RUNX3: variants seen among roughly 807,000 people sequenced by gnomAD.
The protein encoded by RUNX3 is runt-related transcription factor 3.
RUNX3 carries 10 observed loss-of-function variants against 27.7 expected under a neutral mutation model. The ratio of observed to expected loss-of-function variants is 0.36; its 90% CI spans 0.22 to 0.61. RUNX3 has a LOEUF of 0.61. Ranked by LOEUF, RUNX3 falls within the 20% of genes least tolerant of loss-of-function variation. The pLI is 0.72. For missense variants in RUNX3, 469 were observed against 629.5 expected (o/e 0.75, Z 2.73); for synonymous variants, 270 against 269.2 (o/e 1.00, Z -0.03).
chr1:24,909,835 A>G (rs1640763430), intron 3 of RUNX3, among the ~76,000 whole-genome samples: 1 of 152,172 alleles, frequency 6.6e-6, no homozygotes. Flanking sequence ...GGTCACGGCC[A>G]TTCTACCTCA....
At chr1:24,935,151 A>C (rs568635967), upstream of RUNX3, among the ~76,000 whole-genome samples, 7 of 152,354 alleles carry the variant, frequency 4.6e-5, no homozygotes, top group Non-Finnish European at 5.9e-5. Context: ...GCAGTTGGAC[A>C]GGACCTTTGC....
At chr1:24,909,306 C>T (rs1014687428) in intron 3 of RUNX3, among the ~76,000 whole-genome samples, 5 of 152,232 alleles carry the variant, frequency 3.3e-5, no homozygotes, top group Non-Finnish European at 7.3e-5. Flanking sequence ...CTCTAAGCTC[C>T]TCTCCAGAGT....
At position 24,944,007 on chromosome 1, in the gene RUNX3, C is replaced by A. The variant is rs1641543664; in HGVS notation, c.59-14155G>T. ...TGTGCCCCTCTCTGCCATAAAATAT[C>A]TCTTTACTGTCCATCGCTGGGCCTA... On this transcript the variant is annotated intron_variant, in intron 2 of 6. Transcript: ENST00000338888. 4.6e-5 allele frequency among the ~76,000 whole-genome samples: 7 copies of A among 152,308 alleles called. No individual in the cohort carries two copies. In the South Asian group the frequency reaches 1.5e-3, roughly 32 times the overall value.
chr1:24,914,803 C>T (rs943974415), intron 3 of RUNX3, among the ~76,000 whole-genome samples: 2 of 152,168 alleles, frequency 1.3e-5, no homozygotes, highest in African/African-American at 2.4e-5. Flanking sequence ...GGCCCAACTG[C>T]GGGCTCAGGG....
intron 3 of RUNX3, among the ~76,000 whole-genome samples, chr1:24,915,334 G>T (rs1430463170): frequency 6.6e-6 from 1 of 152,218 alleles, no homozygotes; most frequent in Non-Finnish European, 1.5e-5. Flanking sequence ...TGAGGCAAGA[G>T]AATCTCCTGA....
chr1:24,949,555 T>G (rs1179070311), intron 2 of RUNX3, among the ~76,000 whole-genome samples: 1 of 152,198 alleles, frequency 6.6e-6, no homozygotes, highest in Non-Finnish European at 1.5e-5. Context: ...CACAGCTTGA[T>G]TTCTAGTCCA....
Position 24,901,898 on chromosome 1 carries a change from G to T in RUNX3, c.*224C>A. On this transcript the variant is annotated 3_prime_UTR_variant, in exon 5 of 5. Transcript: ENST00000308873. The stretch of plus-strand genomic sequence containing the variant: ...GATGAGACGGCCAGGATCTGGGCCG[G>T]GGGCAGTATCCCGGGCCGGGGTGGG... 1.9e-6 allele frequency: 1 copy of T among 526,402 alleles called. No homozygotes were observed. Among genetic ancestry groups the T allele is most frequent in the Non-Finnish European group, 3.4e-6 (1 of 297,836 alleles). 32.6% of individuals were successfully genotyped at this position (526,402 alleles called of 1,614,324 possible). A position where few individuals can be genotyped will look rare whatever the true frequency, so the allele number is the denominator to read the frequency against.
At chr1:24,957,970 C>T (rs1231329816) in intron 2 of RUNX3, among the ~76,000 whole-genome samples, 1 of 152,358 alleles carries the variant, frequency 6.6e-6, no homozygotes, top group East Asian at 1.9e-4. Context: ...CTGACAGTCC[C>T]TCTAGTCTTG....
At position 24,904,834 on chromosome 1, in the gene RUNX3, C is replaced by T. The variant is rs1640632355; in HGVS notation, c.704-2168G>A. Among the ~76,000 whole-genome samples, 1 of 152,188 alleles carries T rather than the reference C, an allele frequency of 6.6e-6. No homozygotes were observed. Among genetic ancestry groups the T allele is most frequent in the Non-Finnish European group, 1.5e-5 (1 of 68,016 alleles). ...TGCCCTCAGCACTCCCTCAGACCCC[C>T]CAGCAGCTTCCTTGGAGCTCCTGTA... On this transcript the variant is annotated intron_variant, in intron 4 of 4. Transcript: ENST00000308873. The surrounding 1 kb of genome is among the most constrained non-coding windows in gnomAD (Gnocchi z 5.7).
Position 24,902,336 on chromosome 1 carries a change from A to G in RUNX3, c.1034T>C (p.Met345Thr). The G allele has an allele frequency of 6.2e-7, 1 of 1,611,306 alleles. No individual in the cohort carries two copies. The highest frequency in any genetic ancestry group is 8.5e-7 in the Non-Finnish European group (1 of 1,179,668). The change falls in exon 5 of 5, where the codon ATG becomes ACG. Residue 345 changes from methionine (M) to threonine (T), a missense_variant. Met to Thr is a moderately conservative substitution (Grantham distance 81). Coordinates refer to ENST00000308873, the MANE Select transcript of RUNX3 (RefSeq NM_004350.3). The surrounding 1 kb of genome is among the most constrained non-coding windows in gnomAD (Gnocchi z 9.2). Reference protein sequence around the residue: ...GTSSGSYQFSMVAGSSSGGDR... With the variant: ...GTSSGSYQFSTVAGSSSGGDR... ...GCCCCCACTGCTGCTGCCGGCCACC[A>G]TGGAGAACTGGTAGGAGCCAGAGGA...
At chr1:24,907,172 C>T (rs890896243) in intron 4 of RUNX3, 87 bp downstream of exon 4, 32 of 1,384,228 alleles carry the variant, frequency 2.3e-5, no homozygotes, top group Non-Finnish European at 3.0e-5. Context: ...GATCTTCGGA[C>T]AGGCTTTTGG....
At position 24,902,477 on chromosome 1, in the gene RUNX3, G is replaced by T; in HGVS notation, c.893C>A (p.Pro298Gln). The change falls in exon 5 of 5, where the codon CCG (proline) becomes CAG (glutamine). Residue 298 changes from proline to glutamine, a missense_variant. Pro to Gln is a moderately conservative substitution (Grantham distance 76, BLOSUM62 -1). This residue lies in a region of RUNX3 where 279 missense variants were observed against 343.0 expected (regional missense o/e 0.81). Transcript: ENST00000308873. The surrounding 1 kb of genome is among the most constrained non-coding windows in gnomAD (Gnocchi z 9.2). ...SISSLSVAGMPATSRFHHTYL... is the reference protein window; with the variant it reads ...SISSLSVAGMQATSRFHHTYL... ...GGTATGGTGGAAGCGGCTGGTGGCC[G>T]GCATGCCCGCCACGCTGAGGCTGCT... is the stretch of plus-strand genomic sequence containing the variant. 1 of 1,600,658 alleles carries T rather than the reference G, an allele frequency of 6.2e-7. No individual in the cohort carries two copies.
chr1:24,934,712 T>C (rs4648883), upstream of RUNX3, among the ~76,000 whole-genome samples: 80,964 of 151,940 alleles, frequency 0.53, 21,769 homozygotes, highest in South Asian at 0.59. Flanking sequence ...GGGTTAAAAG[T>C]CTGCTCTGGT....
intron 2 of RUNX3, among the ~76,000 whole-genome samples, chr1:24,920,188 G>C (rs893365215): frequency 2.0e-5 from 3 of 151,428 alleles, no homozygotes; most frequent in Admixed American, 2.0e-4. Flanking sequence ...AAATTCCTGA[G>C]AGGGGAAAAA....
Position 24,902,006 on chromosome 1 carries a change from C to T in RUNX3, c.*116G>A, listed in dbSNP as rs867993615. The T allele has an allele frequency of 4.9e-6, 5 of 1,026,370 alleles. No individual in the cohort carries two copies. Among genetic ancestry groups the T allele is most frequent in the Admixed American group, 2.9e-5 (1 of 34,786 alleles). The allele number at this position is 1,026,370 out of a possible 1,614,324, so 63.6% of individuals were successfully genotyped here. On this transcript the variant is annotated 3_prime_UTR_variant, in exon 5 of 5. Coordinates refer to ENST00000308873, the MANE Select transcript of RUNX3 (RefSeq NM_004350.3). The surrounding 1 kb of genome is among the most constrained non-coding windows in gnomAD (Gnocchi z 9.2). ...CCACCAGCTGGGACCACCCTGGGAC[C>T]GAGACCACCCTGGAGCGCAGGTCCC...
At chr1:24,939,264 G>A (rs1641419568) in intron 2 of RUNX3, among the ~76,000 whole-genome samples, 1 of 152,136 alleles carries the variant, frequency 6.6e-6, no homozygotes, top group African/African-American at 2.4e-5. Context: ...CACGCTCATG[G>A]GCACAGTCTC....
At chr1:24,941,824 G>C (rs1641486054) in intron 2 of RUNX3, among the ~76,000 whole-genome samples, 1 of 152,248 alleles carries the variant, frequency 6.6e-6, no homozygotes, top group African/African-American at 2.4e-5. Context: ...TGCTGAGGCT[G>C]TGGGTACAGC....
Position 24,951,716 on chromosome 1 carries a change from G to A in RUNX3, c.58+12798C>T, listed in dbSNP as rs77863142. Among the ~76,000 whole-genome samples, 924 of 152,314 alleles carry A rather than the reference G, an allele frequency of 6.1e-3. 13 individuals carry two copies. The highest frequency in any genetic ancestry group is 0.021 in the African/African-American group (888 of 41,562). ...CTGAGGAAACGTCCATTAATTCATAGCTACTGTGCTTTGGCGAGCCACGCA... is the reference window on the plus strand; with the variant it reads ...CTGAGGAAACGTCCATTAATTCATAACTACTGTGCTTTGGCGAGCCACGCA... On this transcript the variant is annotated intron_variant, in intron 2 of 6. Coordinates refer to the RUNX3 transcript ENST00000338888.
intron 2 of RUNX3, among the ~76,000 whole-genome samples, chr1:24,959,386 C>T (rs1052271437): frequency 7.9e-5 from 12 of 152,244 alleles, no homozygotes; most frequent in African/African-American, 1.7e-4. Flanking sequence ...TCTGGGGAGA[C>T]GGGTGTGTGC....
Sources: allele counts gnomAD v4.1 joint callset (sites outside exome capture counted in the v4.1 genomes callset), GRCh38; gene constraint gnomAD v4.1.1; regional missense constraint gnomAD v4.1.1; non-coding constraint Gnocchi (gnomAD v3.1); transcripts MANE v1.5; gene names NCBI Gene and HGNC (gene_info 2026-07-23, HGNC 2026-07-21).